ERCC8: variants seen among roughly 807,000 people sequenced by gnomAD.
ERCC8 encodes DNA excision repair protein ERCC-8.
Under a neutral mutation model 54.9 loss-of-function variants are expected in ERCC8, and 52 were observed. That is an observed-to-expected ratio of 0.95 (90% confidence interval 0.76 to 1.19). The LOEUF (loss-of-function observed/expected upper bound fraction) is 1.19, where lower values mean the gene tolerates loss of function less well. Ranked by LOEUF, ERCC8 falls within the 50% of genes most tolerant of loss-of-function variation. The probability of loss-of-function intolerance (pLI) is 0.00; values close to 1 mark genes in which losing one functional copy is unlikely to be tolerated. For missense variants in ERCC8, 514 were observed against 466.1 expected, an observed-to-expected ratio of 1.10 and a Z score of -0.95; for synonymous variants, 146 against 157.2, an observed-to-expected ratio of 0.93 and a Z score of 0.53.
chr5:60,901,923 C>T (rs1026078901), intron 7 of ERCC8, among the ~76,000 whole-genome samples: 1 of 151,982 alleles, frequency 6.6e-6, no homozygotes, highest in Non-Finnish European at 1.5e-5. Flanking sequence ...CAGAGATGTA[C>T]CTCTATTAAA....
Position 60,920,046 on chromosome 5 carries a change from C to T in ERCC8, c.276-1658G>A, listed in dbSNP as rs966243065. Among the ~76,000 whole-genome samples, 4 of 151,918 alleles carry T rather than the reference C, an allele frequency of 2.6e-5. No homozygotes were observed. The East Asian group carries it at 5.8e-4, about 22-fold the overall frequency. ...CTTACAGAAAGCAAGGGACTCTAGA[C>T]ATTCTCTTTTCCTAGGAGAGTTAGC... On this transcript the variant is annotated intron_variant, in intron 3 of 11. Coordinates refer to ENST00000676185, the MANE Select transcript of ERCC8 (RefSeq NM_000082.4).
rs1747836701 is a variant in ERCC8 at position 60,870,413 on chromosome 5, G to A, written c.*4202C>T. Among the ~76,000 whole-genome samples, 1 of 150,204 alleles carries A rather than the reference G, an allele frequency of 6.7e-6. No homozygotes were observed. The highest frequency in any genetic ancestry group is 1.5e-5 in the Non-Finnish European group (1 of 67,792). On this transcript the variant is annotated 3_prime_UTR_variant, in exon 12 of 12. Coordinates refer to ENST00000676185, the MANE Select transcript of ERCC8 (RefSeq NM_000082.4). ...AAATCCCAGCACTTTGGGAGGCCGA[G>A]GCTGGTGGATCACTAGAGCCCAGGA...
chr5:60,942,974 TTTTTAAAAAAA>T (rs1254418730), intron 1 of ERCC8, among the ~76,000 whole-genome samples: 2 of 152,166 alleles, frequency 1.3e-5, no homozygotes, highest in African/African-American at 4.8e-5. Context: ...GATGGAAATA[TTTTTAAAAAAA>T]TTTTAGGCTG....
rs368676801 is a variant in ERCC8, at chr5:60,874,647, C to T, written c.1159G>A (p.Asp387Asn). ...TCTTCATCACTGCTGCTCCAGGCAT[C>T]TTCAAAGGCCGGATTTAATTGTGAT... ...TKSQLNPAFE[D>N]AWSSSDEEG The change falls in exon 12 of 12, where the codon GAT (aspartate) becomes AAT (asparagine). Residue 387 changes from aspartate to asparagine, a missense_variant. Asp to Asn is a conservative substitution (Grantham distance 23). Transcript: ENST00000676185. 3 of 1,611,414 alleles carry T rather than the reference C, an allele frequency of 1.9e-6. No individual in the cohort carries two copies. The Admixed American group carries it at 5.0e-5, about 27-fold the overall frequency.
At chr5:60,894,299 G>C (rs1748661088) in intron 9 of ERCC8, among the ~76,000 whole-genome samples, 1 of 152,046 alleles carries the variant, frequency 6.6e-6, no homozygotes, top group Non-Finnish European at 1.5e-5. Context: ...TTTATCTTAA[G>C]GAAATAATTA....
intron 1 of ERCC8, chr5:60,932,217 G>A (rs1749928787): frequency 6.6e-6 from 1 of 152,246 alleles, no homozygotes; most frequent in South Asian, 2.1e-4. Context: ...GGTGGGGAGT[G>A]GCAGGAGACA....
intron 1 of ERCC8, among the ~76,000 whole-genome samples, chr5:60,931,083 T>C (rs1749895536): frequency 6.8e-6 from 1 of 147,934 alleles, no homozygotes; most frequent in Admixed American, 6.8e-5. Flanking sequence ...CACTCTATAC[T>C]CCAACCTGGG....
At chr5:60,937,468 C>T (rs757443935) in intron 1 of ERCC8, among the ~76,000 whole-genome samples, 7 of 152,218 alleles carry the variant, frequency 4.6e-5, no homozygotes, top group Non-Finnish European at 8.8e-5. Flanking sequence ...TGAGGCTTGC[C>T]GCTGCTGCTG....
chr5:60,904,858 T>G lies in ERCC8; in HGVS notation c.415A>C (p.Asn139His). Residue 139 changes from asparagine to histidine, a missense_variant, in exon 5 of 12, where the codon AAT (asparagine) becomes CAT (histidine). Asn to His is a moderately conservative substitution (Grantham distance 68). Coordinates refer to ENST00000676185, the MANE Select transcript of ERCC8 (RefSeq NM_000082.4). ...TNTLQTADVF[N>H]FEETVYSHHM... ...TGACTATAAACTGTTTCCTCAAAAT[T>G]AAATACATCTGCAGTCTGGTAATCA... The G allele has an allele frequency of 6.5e-7, 1 of 1,549,046 alleles. No homozygotes were observed. Among genetic ancestry groups the G allele is most frequent in the South Asian group, 1.1e-5 (1 of 89,686 alleles).
intron 1 of ERCC8, among the ~76,000 whole-genome samples, chr5:60,929,796 T>C (rs1749854843): frequency 6.6e-6 from 1 of 152,240 alleles, no homozygotes; most frequent in South Asian, 2.1e-4. Context: ...CAATGCCTAG[T>C]ACATTGTAAG....
intron 1 of ERCC8, among the ~76,000 whole-genome samples, chr5:60,944,684 T>C (rs1231652425): frequency 6.6e-6 from 1 of 151,202 alleles, no homozygotes; most frequent in Admixed American, 6.6e-5. Context: ...TTATAGTGTC[T>C]TCACCTGAGC....
Position 60,870,475 on chromosome 5 carries a change from C to T in ERCC8, c.*4140G>A, listed in dbSNP as rs2112447353. On this transcript the variant is annotated 3_prime_UTR_variant, in exon 12 of 12. Transcript: ENST00000676185. ...GCCTGGCCAACATGGTGAAACCCCACCTCTGCTAAAAAAAAAAAAAAAAAA... is the reference window on the plus strand; with the variant it reads ...GCCTGGCCAACATGGTGAAACCCCATCTCTGCTAAAAAAAAAAAAAAAAAA... Among the ~76,000 whole-genome samples, 1 of 127,248 alleles carries T rather than the reference C, an allele frequency of 7.9e-6. No homozygotes were observed. The highest frequency in any genetic ancestry group is 1.6e-5 in the Non-Finnish European group (1 of 60,746). 83.5% of individuals were successfully genotyped at this position (127,248 alleles called of 152,430 possible). A position where few individuals can be genotyped will look rare whatever the true frequency, so the allele number is the denominator to read the frequency against.
intron 9 of ERCC8, chr5:60,893,073 T>A (rs1748613817): frequency 1.3e-6 from 1 of 774,154 alleles, no homozygotes; most frequent in Non-Finnish European, 2.4e-6. Context: ...GGGGTCCAGG[T>A]CAATCTTTTT....
chr5:60,899,554 G>A lies in ERCC8; in HGVS notation c.718+73C>T, dbSNP rs1748813175. 28 of 1,091,426 alleles carry A rather than the reference G, an allele frequency of 2.6e-5. No homozygotes were observed. In the South Asian group the frequency reaches 3.4e-4, roughly 13 times the overall value. 67.6% of individuals were successfully genotyped at this position (1,091,426 alleles called of 1,614,324 possible). ...CAATTTGTCAATATGCGTTTATTAT[G>A]TGGCTTCAATTAAAAATTTTCAATG... On this transcript the variant is annotated intron_variant, in intron 8 of 11. Transcript: ENST00000676185.
chr5:60,896,524 TAAAAA>T (rs1200695435), intron 9 of ERCC8, among the ~76,000 whole-genome samples: 1 of 151,784 alleles, frequency 6.6e-6, no homozygotes, highest in Non-Finnish European at 1.5e-5. Context: ...AACTTTAAAA[TAAAAA>T]AAAGAAGTTA....
chr5:60,915,386 A>G (rs188519362), intron 4 of ERCC8: 123 of 152,204 alleles, frequency 8.1e-4, no homozygotes, highest in African/African-American at 2.7e-3. Context: ...AGGGAAGATC[A>G]TATCAATTCA....
At chr5:60,898,952 T>A (rs769763390) in intron 8 of ERCC8, among the ~76,000 whole-genome samples, 2 of 151,306 alleles carry the variant, frequency 1.3e-5, no homozygotes, top group Admixed American at 6.6e-5. Context: ...TAAGGTTTTT[T>A]AAAAAACTAT....
At chr5:60,944,715 C>A (rs865925485) in intron 1 of ERCC8, among the ~76,000 whole-genome samples, 43 of 38,276 alleles carry the variant, frequency 1.1e-3, no homozygotes, top group African/African-American at 3.4e-3. Flanking sequence ...ACCCCCCCCC[C>A]ACCCCCGGGG....
intron 1 of ERCC8, among the ~76,000 whole-genome samples, chr5:60,944,444 T>C (rs570808226): frequency 1.3e-5 from 2 of 152,316 alleles, no homozygotes; most frequent in African/African-American, 2.4e-5. Flanking sequence ...CTAGTTTCTG[T>C]CTACTTCATC....
Sources: gnomAD v4.1 joint callset for allele counts (sites outside exome capture counted in the v4.1 genomes callset) on GRCh38, gnomAD v4.1.1 for gene constraint, MANE v1.5 for transcripts, NCBI Gene and HGNC (gene_info 2026-07-23, HGNC 2026-07-21) for gene names.